The following NLRC5 variants were observed in gnomAD, a reference collection of about 807,000 sequenced individuals.
NLRC5 encodes the protein protein NLRC5.
Under a neutral mutation model 206.9 loss-of-function variants are expected in NLRC5, and 114 were observed. The ratio of observed to expected loss-of-function variants is 0.55; its 90% confidence interval spans 0.47 to 0.64. The LOEUF is 0.64. NLRC5 is among the 30% of genes least tolerant of loss of function. The pLI is 0.00. For missense variants in NLRC5, 2,008 were observed against 2,305.5 expected, an observed-to-expected ratio of 0.87 and a Z score of 2.64; for synonymous variants, 952 against 962.8, an observed-to-expected ratio of 0.99 and a Z score of 0.21.
At chr16:57,042,957 G>A (rs1002769473) in intron 19 of NLRC5, among the ~76,000 whole-genome samples, 1 of 152,186 alleles carries the variant, frequency 6.6e-6, no homozygotes, top group Non-Finnish European at 1.5e-5. Flanking sequence ...CATGAAGACT[G>A]GAGGTTTTAG....
intron 26 of NLRC5, 63 bp from the exon 27 acceptor site, chr16:57,055,370 G>C: frequency 6.7e-7 from 1 of 1,500,296 alleles, no homozygotes; most frequent in Non-Finnish European, 9.2e-7. Flanking sequence ...GGCTAGCCAG[G>C]CCGGAGGGGG....
In NLRC5 at chr16:57,077,644, G is replaced by A. The variant is rs548489766; in HGVS notation, c.4920-75G>A. The A allele has an allele frequency of 3.5e-6, 5 of 1,429,012 alleles. No homozygotes were observed. In the South Asian group the frequency reaches 5.4e-5, roughly 16 times the overall value. The allele number at this position is 1,429,012 out of a possible 1,614,324, so 88.5% of individuals were successfully genotyped here. The stretch of plus-strand genomic sequence containing the variant: ...TCTTAGGCCCCCTGAAGCAGGGGTG[G>A]CAGACCCAGCAGATGTGCTGGGGTG... On this transcript the variant is annotated intron_variant, in intron 41 of 48. Coordinates refer to ENST00000688547, the MANE Select transcript of NLRC5 (RefSeq NM_001384950.1).
At chr16:57,054,990 G>T in intron 25 of NLRC5, 42 bp from the exon 26 acceptor site, 2 of 1,613,096 alleles carry the variant, frequency 1.2e-6, no homozygotes, top group South Asian at 1.1e-5. Flanking sequence ...GCATCCTGAG[G>T]CTGTGGCCAC....
chr16:57,025,792 C>T lies in NLRC5; in HGVS notation c.849C>T (p.Ser283=). 2.5e-6 allele frequency: 4 copies of T among 1,614,218 alleles called. No individual in the cohort carries two copies. Among genetic ancestry groups the T allele is most frequent in the Non-Finnish European group, 3.4e-6 (4 of 1,180,032 alleles). Residue 283 remains serine (S), a synonymous_variant, in exon 6 of 49, where the codon AGC becomes AGT. Transcript: ENST00000688547. ...PSELLFDLYL[S]PESDHDTVFQ... is the part of the protein sequence containing the mutation. ...AGCTCCTTTTTGATCTGTACCTGAG[C>T]CCTGAATCGGACCACGACACTGTCT...
chr16:57,036,165 A>T lies in NLRC5; in HGVS notation c.2693A>T (p.His898Leu). ...RLMAEAASQL[H>L]IARKLDLSNN... ...ATGGCAGAGGCTGCATCCCAGCTGCACATCGCCAGGAAGCTGGAGTGAGTT... is the reference window on the plus strand; with the variant it reads ...ATGGCAGAGGCTGCATCCCAGCTGCTCATCGCCAGGAAGCTGGAGTGAGTT... Residue 898 changes from histidine (H) to leucine (L), a missense_variant, in exon 14 of 49, where the codon CAC becomes CTC. Coordinates refer to ENST00000688547, the MANE Select transcript of NLRC5 (RefSeq NM_001384950.1). 1.2e-6 allele frequency: 2 copies of T among 1,613,452 alleles called. No homozygotes were observed. Among genetic ancestry groups the T allele is most frequent in the Non-Finnish European group, 1.7e-6 (2 of 1,179,966 alleles).
chr16:57,066,525 A>G lies in NLRC5; in HGVS notation c.4242-9A>G. ...CCCGACCTCACGTTGGTTACTGCTC[A>G]CTCCTCAGCATCTCCGAGACCCAGC... On this transcript the variant is annotated splice_polypyrimidine_tract_variant and intron_variant, in intron 33 of 48. Transcript: ENST00000688547. The G allele has an allele frequency of 6.2e-7, 1 of 1,613,472 alleles. No individual in the cohort carries two copies. The highest frequency in any genetic ancestry group is 8.5e-7 in the Non-Finnish European group (1 of 1,179,814).
At position 57,079,111 on chromosome 16, in the gene NLRC5, TC is replaced by T; in HGVS notation, c.5149del (p.His1717IlefsTer29). 1.2e-6 allele frequency: 2 copies of T among 1,613,990 alleles called. No homozygotes were observed. Among genetic ancestry groups the T allele is most frequent in the Non-Finnish European group, 1.7e-6 (2 of 1,179,992 alleles). ...ALSLAQALDG[S>X]PHLEEISLAE... ...GAGCCTGGCCCAGGCCCTGGATGGA[TC>T]CCCCCATTTGGAAGAGATCAGGTAA... On this transcript the variant is annotated frameshift_variant, in exon 44 of 49. Coordinates refer to ENST00000688547, the MANE Select transcript of NLRC5 (RefSeq NM_001384950.1). LOFTEE classifies it high-confidence loss of function.
intron 1 of NLRC5, among the ~76,000 whole-genome samples, chr16:56,993,435 C>T (rs1269247928): frequency 1.3e-5 from 2 of 152,028 alleles, no homozygotes. Context: ...AATGAATATC[C>T]TTGGTCAGGC....
chr16:56,990,346 C>A (rs2056658881), intron 1 of NLRC5, among the ~76,000 whole-genome samples: 1 of 152,238 alleles, frequency 6.6e-6, no homozygotes, highest in African/African-American at 2.4e-5. Flanking sequence ...GTACCACCAG[C>A]ATACTACAAA....
At chr16:57,010,590 C>G (rs1368821030) in intron 1 of NLRC5, among the ~76,000 whole-genome samples, 1 of 152,158 alleles carries the variant, frequency 6.6e-6, no homozygotes, top group East Asian at 1.9e-4. Flanking sequence ...CCAAGCTGGT[C>G]TCCAACTCCT....
intron 13 of NLRC5, among the ~76,000 whole-genome samples, chr16:57,035,145 C>T (rs1046404151): frequency 3.9e-5 from 6 of 152,210 alleles, no homozygotes; most frequent in Non-Finnish European, 8.8e-5. Context: ...CCTGGTTACG[C>T]AGCCACCTCC....
chr16:57,055,699 C>G (rs2065560360), intron 27 of NLRC5, among the ~76,000 whole-genome samples, 180 bp downstream of exon 27: 1 of 152,214 alleles, frequency 6.6e-6, no homozygotes, highest in South Asian at 2.1e-4. Context: ...AATTTTCTCT[C>G]TCCCGCCCCC....
At position 57,023,773 on chromosome 16, in the gene NLRC5, T is replaced by C; in HGVS notation, c.356-12T>C. On this transcript the variant is annotated splice_polypyrimidine_tract_variant and intron_variant, in intron 4 of 48. Coordinates refer to ENST00000688547, the MANE Select transcript of NLRC5 (RefSeq NM_001384950.1). ...AGACCCCACTCCTCCACCCCTTCCT[T>C]TGCTTTTTCAGGCCTGAAGCGCCCA... The C allele has an allele frequency of 1.2e-6, 2 of 1,608,532 alleles. No individual in the cohort carries two copies. The highest frequency in any genetic ancestry group is 1.7e-4 in the Middle Eastern group (1 of 6,048).
At chr16:57,016,659 C>G (rs2060132308) in intron 1 of NLRC5, among the ~76,000 whole-genome samples, 7 of 152,182 alleles carry the variant, frequency 4.6e-5, no homozygotes, top group Admixed American at 4.6e-4. Flanking sequence ...ATTGCAAATC[C>G]TAACCTTTTT....
chr16:57,078,317 C>A (rs2068669755), intron 43 of NLRC5, among the ~76,000 whole-genome samples: 1 of 152,132 alleles, frequency 6.6e-6, no homozygotes, highest in Non-Finnish European at 1.5e-5. Context: ...GTTCATTGTG[C>A]CCTGTGAGCG....
intron 39 of NLRC5, 111 bp downstream of exon 39, chr16:57,074,794 T>G: frequency 9.7e-7 from 1 of 1,026,332 alleles, no homozygotes; most frequent in Non-Finnish European, 1.5e-6. Context: ...CCTTTGCGGA[T>G]CCCTCCCAGG....
intron 11 of NLRC5, among the ~76,000 whole-genome samples, chr16:57,032,182 G>A (rs1017537171): frequency 1.3e-5 from 2 of 152,146 alleles, no homozygotes; most frequent in East Asian, 1.9e-4. Context: ...CGCCAAGCAC[G>A]AGAATCTCTT....
intron 23 of NLRC5, 74 bp downstream of exon 23, chr16:57,047,702 G>C (rs1273931101): frequency 7.9e-7 from 1 of 1,258,232 alleles, no homozygotes; most frequent in Non-Finnish European, 1.1e-6. Flanking sequence ...GGGCTTCTTG[G>C]TTAGAAGACA....
intron 10 of NLRC5, among the ~76,000 whole-genome samples, chr16:57,030,583 G>A (rs1220010670): frequency 1.3e-5 from 2 of 151,038 alleles, no homozygotes; most frequent in African/African-American, 4.9e-5. Flanking sequence ...TGGATAGATG[G>A]CTAGCTGAAA....
Sources: gnomAD v4.1 joint callset for allele counts (sites outside exome capture counted in the v4.1 genomes callset) on GRCh38, gnomAD v4.1.1 for gene constraint, MANE v1.5 for transcripts, NCBI Gene and HGNC (gene_info 2026-07-23, HGNC 2026-07-21) for gene names.